The following KIZ variants were observed in gnomAD, a reference collection of about 807,000 sequenced individuals.
The protein encoded by KIZ is kizuna centrosomal protein, also known as centrosomal protein kizuna.
A neutral mutation model predicts 79.6 loss-of-function variants in KIZ; 68 were observed. That is an observed-to-expected ratio of 0.85 (90% CI 0.70 to 1.05). KIZ has a LOEUF of 1.05. Ranked by LOEUF, KIZ falls within the 50% of genes least tolerant of loss-of-function variation. The probability of loss-of-function intolerance (pLI) is 0.00; values close to 1 mark genes in which losing one functional copy is unlikely to be tolerated. For missense variants in KIZ, 797 were observed against 800.4 expected (o/e 1.00, Z 0.05); for synonymous variants, 280 against 281.8 (o/e 0.99, Z 0.06).
rs560313381 is a variant in KIZ, at chr20:21,185,664, G to GCCTC, written c.1353-19824_1353-19821dup. The stretch of plus-strand genomic sequence containing the variant: ...GGCCTCAAGTGATCCACCCACCTTA[G>GCCTC]CCTCCCAAAGTGCTGGGATTACAAG... On this transcript the variant is annotated intron_variant, in intron 6 of 12. Transcript: ENST00000619189. Among the ~76,000 whole-genome samples the GCCTC allele has an allele frequency of 8.5e-4, 128 of 150,566 alleles. No individual in the cohort carries two copies. The South Asian group carries it at 0.013, about 15-fold the overall frequency.
chr20:21,173,573 G>A (rs116181397), intron 6 of KIZ, among the ~76,000 whole-genome samples: 3,660 of 105,346 alleles, frequency 0.035, 194 homozygotes, highest in African/African-American at 0.13. Flanking sequence ...GGGAGATGCC[G>A]TCTCAAAAAA....
rs774365618 is a variant in KIZ at position 21,162,412 on chromosome 20, C to T, written c.947C>T (p.Ala316Val). 1.9e-6 allele frequency: 3 copies of T among 1,612,684 alleles called. No individual in the cohort carries two copies. Among genetic ancestry groups the T allele is most frequent in the Admixed American group, 1.7e-5 (1 of 59,860 alleles). Residue 316 changes from alanine to valine, a missense_variant, in exon 5 of 13, where the codon GCC becomes GTC. Transcript: ENST00000619189. ...CATATTGAAGTTGAGGAAAAAAGAG[C>T]CAGCCCGCCAGTCTCTCCGATACCA... is the stretch of plus-strand genomic sequence containing the variant. ...REHIEVEEKR[A>V]SPPVSPIPVS... is the part of the protein sequence containing the mutation.
At chr20:21,216,112 A>G (rs753996335) in intron 9 of KIZ, among the ~76,000 whole-genome samples, 7 of 152,236 alleles carry the variant, frequency 4.6e-5, no homozygotes, top group Non-Finnish European at 1.0e-4. Flanking sequence ...TAATTTAAAA[A>G]TTGTACCAAT....
intron 5 of KIZ, 141 bp from the exon 6 acceptor site, chr20:21,162,709 G>A (rs750353095): frequency 1.2e-6 from 1 of 826,708 alleles, no homozygotes. Flanking sequence ...ATTTGAAAAC[G>A]TGTTTAAGCT....
chr20:21,196,610 A>G (rs987087520), intron 6 of KIZ: 35 of 152,262 alleles, frequency 2.3e-4, no homozygotes, highest in African/African-American at 6.8e-4. Flanking sequence ...CATAGGTACT[A>G]TAAGTCAGAT....
intron 1 of KIZ, among the ~76,000 whole-genome samples, chr20:21,131,685 G>C (rs750972261): frequency 6.6e-6 from 1 of 152,196 alleles, no homozygotes; most frequent in Non-Finnish European, 1.5e-5. Context: ...AGGAGTCTTG[G>C]CTGGCTAGTT....
At chr20:21,145,516 G>A (rs2032800014) in intron 3 of KIZ, 49 bp from the exon 4 acceptor site, 1 of 866,154 alleles carries the variant, frequency 1.2e-6, no homozygotes, top group African/African-American at 1.7e-5. Flanking sequence ...ACAGACAGGT[G>A]CTAGTTGTAA....
intron 11 of KIZ, among the ~76,000 whole-genome samples, chr20:21,237,722 C>T (rs927802869): frequency 6.6e-6 from 1 of 152,234 alleles, no homozygotes; most frequent in Non-Finnish European, 1.5e-5. Flanking sequence ...CCTGGCTGCA[C>T]AGCATGCCCT....
chr20:21,220,989 C>A (rs2036484897), intron 9 of KIZ, among the ~76,000 whole-genome samples: 1 of 152,120 alleles, frequency 6.6e-6, no homozygotes, highest in South Asian at 2.1e-4. Context: ...TCCCGAGAGG[C>A]AGGCCTTTTA....
chr20:21,136,437 G>A lies in KIZ; in HGVS notation c.200G>A (p.Cys67Tyr), dbSNP rs2032192121. The change falls in exon 3 of 13, where the codon TGT becomes TAT. Residue 67 changes from cysteine (C) to tyrosine (Y), a missense_variant. Cys to Tyr is a radical substitution (Grantham distance 194). Transcript: ENST00000619189. Reference protein sequence around the residue: ...VKLKNYLKEICESEKKAHTRN... With the variant: ...VKLKNYLKEIYESEKKAHTRN... ...CTAAAGAATTATCTGAAGGAAATAT[G>A]TGAATCTGAAAAGAAGGCTCATACT... The A allele has an allele frequency of 6.4e-7, 1 of 1,568,160 alleles. No homozygotes were observed. Among genetic ancestry groups the A allele is most frequent in the Non-Finnish European group, 8.7e-7 (1 of 1,149,308 alleles).
At chr20:21,140,831 A>AAATTTAAAAATT in intron 3 of KIZ, among the ~76,000 whole-genome samples, 1 of 151,594 alleles carries the variant, frequency 6.6e-6, no homozygotes, top group Non-Finnish European at 1.5e-5. Context: ...ATTTAAAAAT[A>AAATTTAAAAATT]AAATTTAAAA....
At chr20:21,188,577 C>T (rs1438619488) in intron 6 of KIZ, among the ~76,000 whole-genome samples, 2 of 151,646 alleles carry the variant, frequency 1.3e-5, no homozygotes, top group Admixed American at 6.6e-5. Flanking sequence ...CCCTTCTGAC[C>T]CTACACCCTC....
intron 4 of KIZ, among the ~76,000 whole-genome samples, chr20:21,154,464 G>T (rs2033276156): frequency 6.6e-6 from 1 of 152,056 alleles, no homozygotes; most frequent in Admixed American, 6.6e-5. Context: ...CATGTGCTTT[G>T]CTATTGCTTC....
intron 4 of KIZ, among the ~76,000 whole-genome samples, chr20:21,155,195 A>G (rs779696127): frequency 7.2e-5 from 11 of 152,230 alleles, no homozygotes; most frequent in Non-Finnish European, 1.3e-4. Context: ...TGCTGTGTAC[A>G]AGATTGGACA....
intron 8 of KIZ, 96 bp downstream of exon 8, chr20:21,214,796 A>T (rs2036220249): frequency 5.7e-6 from 4 of 703,206 alleles, no homozygotes; most frequent in Non-Finnish European, 9.8e-6. Context: ...CTGACTAGTG[A>T]ATACCTCTGA....
At chr20:21,227,438 A>G (rs1345710202) in intron 9 of KIZ, among the ~76,000 whole-genome samples, 1 of 152,052 alleles carries the variant, frequency 6.6e-6, no homozygotes, top group Non-Finnish European at 1.5e-5. Context: ...TTCCTTGACG[A>G]AATAAGTTTA....
rs2037381124 is a variant in KIZ, at chr20:21,246,201, T to A, written c.1925-278T>A. 4 of 408,654 alleles carry A rather than the reference T, an allele frequency of 9.8e-6. No homozygotes were observed. The Admixed American group carries it at 1.9e-4, about 19-fold the overall frequency. 25.3% of individuals were successfully genotyped at this position (408,654 alleles called of 1,614,324 possible). ...GCTTCCATGTAACCCTGACCTTAAA[T>A]CCCTATCCTATAATAAAGAGTTGGG... is the stretch of plus-strand genomic sequence containing the variant. On this transcript the variant is annotated intron_variant, in intron 12 of 12. Coordinates refer to ENST00000619189, the MANE Select transcript of KIZ (RefSeq NM_018474.6).
intron 6 of KIZ, among the ~76,000 whole-genome samples, chr20:21,183,735 C>G (rs1009645137): frequency 6.6e-6 from 1 of 152,006 alleles, no homozygotes; most frequent in Non-Finnish European, 1.5e-5. Flanking sequence ...TGTATTTTCT[C>G]TTTTTATGCA....
At chr20:21,147,766 A>G (rs2032919953) in intron 4 of KIZ, among the ~76,000 whole-genome samples, 2 of 152,210 alleles carry the variant, frequency 1.3e-5, no homozygotes, top group South Asian at 4.1e-4. Flanking sequence ...AACATGAGCA[A>G]TGAGAAGAAA....
Sources: allele counts gnomAD v4.1 joint callset (sites outside exome capture counted in the v4.1 genomes callset), GRCh38; gene constraint gnomAD v4.1.1; transcripts MANE v1.5; gene names NCBI Gene and HGNC (gene_info 2026-07-23, HGNC 2026-07-21).